Variants in IQCH observed in about 807,000 individuals in gnomAD.
IQCH encodes IQ motif containing H.
A neutral mutation model predicts 117.0 loss-of-function variants in IQCH; 98 were observed. The observed-to-expected ratio is 0.84, with a 90% confidence interval of 0.71 to 0.99. The LOEUF is 0.99. Ranked by LOEUF, IQCH falls within the 50% of genes least tolerant of loss-of-function variation. The pLI is 0.00. For synonymous variants in IQCH, 412 were observed against 448.2 expected, an observed-to-expected ratio of 0.92 and a Z score of 1.02; for missense variants, 1,102 against 1,243.8, an observed-to-expected ratio of 0.89 and a Z score of 1.72.
At position 67,472,121 on chromosome 15, in the gene IQCH, G is replaced by C. The variant is rs2083085208; in HGVS notation, c.2677-3575G>C. ...AGGGGAAATGACCATGGACTGACAGGGACAGGGAACACTTTAATGAAAACA... is the reference window on the plus strand; with the variant it reads ...AGGGGAAATGACCATGGACTGACAGCGACAGGGAACACTTTAATGAAAACA... On this transcript the variant is annotated intron_variant, in intron 17 of 20. Transcript: ENST00000335894. The surrounding 1 kb of genome is among the most constrained non-coding windows in gnomAD (Gnocchi z 4.3). Among the ~76,000 whole-genome samples the C allele has an allele frequency of 6.6e-6, 1 of 152,146 alleles. No homozygotes were observed. Among genetic ancestry groups the C allele is most frequent in the Admixed American group, 6.5e-5 (1 of 15,278 alleles).
Position 67,384,029 on chromosome 15 carries a change from T to C in IQCH, c.1373-907T>C, listed in dbSNP as rs1971028055. Among the ~76,000 whole-genome samples the C allele has an allele frequency of 6.6e-6, 1 of 152,138 alleles. No homozygotes were observed. Among genetic ancestry groups the C allele is most frequent in the African/African-American group, 2.4e-5 (1 of 41,454 alleles). ...TGAAGATGTAGTATATAAAATCACT[T>C]TATCTAGAGCAGTTTAACTTGAAAT... On this transcript the variant is annotated intron_variant, in intron 10 of 20. Transcript: ENST00000335894. This position sits in a 1 kb window ranked among gnomAD's most constrained non-coding sequence, Gnocchi z 4.3.
intron 10 of IQCH, among the ~76,000 whole-genome samples, chr15:67,379,380 T>C (rs1046406273): frequency 1.3e-5 from 2 of 152,226 alleles, no homozygotes; most frequent in Admixed American, 6.5e-5. Context: ...AATAAACTTT[T>C]TGTCTTTTGT....
intron 3 of IQCH, among the ~76,000 whole-genome samples, chr15:67,278,998 A>C (rs927158016): frequency 6.6e-6 from 1 of 152,238 alleles, no homozygotes; most frequent in African/African-American, 2.4e-5. Context: ...TATAAGTATT[A>C]ATCACTTAGG....
chr15:67,281,090 C>T (rs9920845), intron 4 of IQCH, among the ~76,000 whole-genome samples: 47,328 of 151,922 alleles, frequency 0.31, 7,754 homozygotes, highest in African/African-American at 0.42. Flanking sequence ...TTGATCCACC[C>T]GCCTTGGCCT....
chr15:67,337,367 T>C (rs1001481567), intron 5 of IQCH, among the ~76,000 whole-genome samples: 7 of 152,196 alleles, frequency 4.6e-5, no homozygotes, highest in African/African-American at 1.7e-4. Flanking sequence ...AAAATGATCA[T>C]TGTGTTTATG....
rs59177913 is a variant in IQCH at position 67,405,390 on chromosome 15, GTCATCATCA to G, written c.2097+5116_2097+5124del. The G allele has an allele frequency of 7.6e-3, 1,179 of 154,448 alleles. 21 individuals carry two copies. Among genetic ancestry groups the G allele is most frequent in the Admixed American group, 0.035 (543 of 15,404 alleles). The allele number at this position is 154,448 out of a possible 1,614,324, so 9.6% of individuals were successfully genotyped here. A position where few individuals can be genotyped will look rare whatever the true frequency, so the allele number is the denominator to read the frequency against. ...TGTTGACATTTCCTTGTATTTCTTT[GTCATCATCA>G]TCATCATCATCATCATCATCATCAT... On this transcript the variant is annotated intron_variant, in intron 14 of 20. Transcript: ENST00000335894. This position sits in a 1 kb window ranked among gnomAD's most constrained non-coding sequence, Gnocchi z 4.8.
chr15:67,255,102 T>G (rs578232748), intron 1 of IQCH, 155 bp downstream of exon 1: 21 of 711,096 alleles, frequency 3.0e-5, no homozygotes, highest in South Asian at 2.8e-4. Context: ...CACCCAGACC[T>G]TCCCCCACGG....
intron 3 of IQCH, among the ~76,000 whole-genome samples, chr15:67,263,774 A>G (rs1965554560): frequency 6.6e-6 from 1 of 152,218 alleles, no homozygotes; most frequent in African/African-American, 2.4e-5. Flanking sequence ...TATCCAGGGT[A>G]AACAAAACAA....
rs1267026699 is a variant in IQCH, at chr15:67,456,037, G to A, written c.2506-9090G>A. On this transcript the variant is annotated intron_variant, in intron 16 of 20. Transcript: ENST00000335894. The surrounding 1 kb of genome is among the most constrained non-coding windows in gnomAD (Gnocchi z 5.1). ...ATATTCTGTATCTTTATAAATAATA[G>A]TTGGGCCATTGGTCTTGAAAGTAAT... Among the ~76,000 whole-genome samples the A allele has an allele frequency of 1.3e-5, 2 of 152,134 alleles. No individual in the cohort carries two copies. Among genetic ancestry groups the A allele is most frequent in the Non-Finnish European group, 1.5e-5 (1 of 68,034 alleles).
At chr15:67,489,269 G>A (rs545780674) in intron 18 of IQCH, among the ~76,000 whole-genome samples, 3 of 151,870 alleles carry the variant, frequency 2.0e-5, no homozygotes, top group South Asian at 2.1e-4. Flanking sequence ...TCCTGACCTC[G>A]TGATCCGCCT....
chr15:67,264,450 A>C (rs149243125), intron 3 of IQCH, among the ~76,000 whole-genome samples: 1 of 152,196 alleles, frequency 6.6e-6, no homozygotes, highest in African/African-American at 2.4e-5. Context: ...AAACTTGACA[A>C]TGGGTGGAAG....
At chr15:67,343,599 T>C (rs1220170217) in intron 5 of IQCH, among the ~76,000 whole-genome samples, 1 of 152,184 alleles carries the variant, frequency 6.6e-6, no homozygotes, top group Admixed American at 6.5e-5. Flanking sequence ...TAAAAATAAC[T>C]CCTTATTTGA....
intron 16 of IQCH, among the ~76,000 whole-genome samples, chr15:67,438,310 A>G (rs756219840): frequency 6.6e-6 from 1 of 152,200 alleles, no homozygotes; most frequent in Non-Finnish European, 1.5e-5. Context: ...AGCATCATAT[A>G]TGAAGGAAAG....
At position 67,479,040 on chromosome 15, in the gene IQCH, CTGAGA is replaced by C. The variant is rs1200733241; in HGVS notation, c.2799+3227_2799+3231del. Among the ~76,000 whole-genome samples, 1 of 152,136 alleles carries C rather than the reference CTGAGA, an allele frequency of 6.6e-6. No individual in the cohort carries two copies. The highest frequency in any genetic ancestry group is 6.6e-5 in the Admixed American group (1 of 15,262). On this transcript the variant is annotated intron_variant, in intron 18 of 20. Coordinates refer to ENST00000335894, the MANE Select transcript of IQCH (RefSeq NM_001031715.3). This position sits in a 1 kb window ranked among gnomAD's most constrained non-coding sequence, Gnocchi z 4.6. ...CAGCAGTATCCTTGCTTTATTTTTC[CTGAGA>C]TGAGTTTTCATCTTTTCAGACCCTG...
rs2083095245 is a variant in IQCH at position 67,472,488 on chromosome 15, T to TG, written c.2677-3203dup. On this transcript the variant is annotated intron_variant, in intron 17 of 20. Coordinates refer to ENST00000335894, the MANE Select transcript of IQCH (RefSeq NM_001031715.3). The surrounding 1 kb of genome is among the most constrained non-coding windows in gnomAD (Gnocchi z 4.3). The stretch of plus-strand genomic sequence containing the variant: ...TGATACTGTTCAGAATCCCAGGAGA[T>TG]GGGGGAAGAGTAGGGGAAAAAACAG... Among the ~76,000 whole-genome samples, 2 of 152,086 alleles carry TG rather than the reference T, an allele frequency of 1.3e-5. No homozygotes were observed. Among genetic ancestry groups the TG allele is most frequent in the African/African-American group, 2.4e-5 (1 of 41,412 alleles).
At chr15:67,462,758 A>G (rs1225262962) in intron 16 of IQCH, among the ~76,000 whole-genome samples, 1 of 152,164 alleles carries the variant, frequency 6.6e-6, no homozygotes, top group Non-Finnish European at 1.5e-5. Flanking sequence ...TTGATCAAGG[A>G]CACTAAAACC....
Position 67,430,971 on chromosome 15 carries a change from G to C in IQCH, c.2505+9394G>C, listed in dbSNP as rs1485636719. Among the ~76,000 whole-genome samples, 1 of 152,192 alleles carries C rather than the reference G, an allele frequency of 6.6e-6. No homozygotes were observed. Among genetic ancestry groups the C allele is most frequent in the African/African-American group, 2.4e-5 (1 of 41,458 alleles). On this transcript the variant is annotated intron_variant, in intron 16 of 20. Transcript: ENST00000335894. The surrounding 1 kb of genome is among the most constrained non-coding windows in gnomAD (Gnocchi z 5.1). ...GATTTTTCTACATGCATTCAGACAA[G>C]AGAAAGATCCCTTCTGTTGGGAGCA...
At chr15:67,371,364 C>A in intron 8 of IQCH, 1 of 678,198 alleles carries the variant, frequency 1.5e-6, no homozygotes, top group South Asian at 5.1e-5. Context: ...ATTTTCATAG[C>A]TTAAAATGTC....
At chr15:67,336,630 C>T (rs1156998232) in intron 4 of IQCH, among the ~76,000 whole-genome samples, 1 of 152,112 alleles carries the variant, frequency 6.6e-6, no homozygotes, top group Non-Finnish European at 1.5e-5. Context: ...TGGTACAAAA[C>T]TTTGCTGTAT....
Sources: allele counts gnomAD v4.1 joint callset (sites outside exome capture counted in the v4.1 genomes callset), GRCh38; gene constraint gnomAD v4.1.1; non-coding constraint Gnocchi (gnomAD v3.1); transcripts MANE v1.5; gene names NCBI Gene and HGNC (gene_info 2026-07-23, HGNC 2026-07-21).